The following KCTD19 variants were observed in gnomAD, a reference collection of about 807,000 sequenced individuals.
KCTD19 encodes BTB/POZ domain-containing protein KCTD19.
KCTD19 carries 67 observed loss-of-function variants against 103.5 expected under a neutral mutation model. The observed-to-expected ratio is 0.65, with a 90% confidence interval of 0.53 to 0.79. The LOEUF is 0.79. Among genes scored for constraint, KCTD19 ranks in the 30% least tolerant of loss-of-function variants. The pLI is 0.00. For missense variants in KCTD19, 980 were observed against 1,136.1 expected, an observed-to-expected ratio of 0.86 and a Z score of 1.98; for synonymous variants, 439 against 452.2, an observed-to-expected ratio of 0.97 and a Z score of 0.37.
At position 67,293,497 on chromosome 16, in the gene KCTD19, C is replaced by A. The variant is rs1486205396; in HGVS notation, c.2218+47G>T. 1 of 1,577,958 alleles carries A rather than the reference C, an allele frequency of 6.3e-7. No homozygotes were observed. The highest frequency in any genetic ancestry group is 1.8e-5 in the Admixed American group (1 of 56,448). On this transcript the variant is annotated intron_variant, in intron 12 of 15. Coordinates refer to ENST00000304372, the MANE Select transcript of KCTD19 (RefSeq NM_001100915.3). The surrounding 1 kb of genome is among the most constrained non-coding windows in gnomAD (Gnocchi z 4.0). ...CTGCCATCTTGGCCAAAGAGTTTGC[C>A]TTCTCTGTTGTGAATAAGACTTAGA...
At chr16:67,316,510 G>T (rs2037014849) in intron 2 of KCTD19, among the ~76,000 whole-genome samples, 1 of 152,122 alleles carries the variant, frequency 6.6e-6, no homozygotes, top group African/African-American at 2.4e-5. Context: ...ACAATGATAT[G>T]CTGGGGAAAA....
chr16:67,313,172 C>T (rs967653610), intron 2 of KCTD19, among the ~76,000 whole-genome samples: 4 of 149,312 alleles, frequency 2.7e-5, no homozygotes, highest in Admixed American at 6.7e-5. Context: ...TGCAGTGGTG[C>T]GATCTCAGCT....
intron 12 of KCTD19, among the ~76,000 whole-genome samples, chr16:67,292,557 C>T (rs2036712125): frequency 6.6e-6 from 1 of 152,182 alleles, no homozygotes; most frequent in Non-Finnish European, 1.5e-5. Flanking sequence ...TCATCCCAAC[C>T]TTGACAGACC....
At position 67,293,485 on chromosome 16, in the gene KCTD19, CA is replaced by C. The variant is rs777607123; in HGVS notation, c.2218+58del. On this transcript the variant is annotated intron_variant, in intron 12 of 15. Transcript: ENST00000304372. This position sits in a 1 kb window ranked among gnomAD's most constrained non-coding sequence, Gnocchi z 4.0. Reference sequence around the variant, plus strand: ...CACTAACTTGCTCTGCCATCTTGGCCAAAGAGTTTGCCTTCTCTGTTGTGAA... The same window carrying C: ...CACTAACTTGCTCTGCCATCTTGGCCAAGAGTTTGCCTTCTCTGTTGTGAA... 1.1e-5 allele frequency: 17 copies of C among 1,563,358 alleles called. No individual in the cohort carries two copies. Among genetic ancestry groups the C allele is most frequent in the Non-Finnish European group, 1.5e-5 (17 of 1,151,524 alleles).
chr16:67,306,446 A>G (rs1434348415), intron 2 of KCTD19, among the ~76,000 whole-genome samples: 3 of 152,094 alleles, frequency 2.0e-5, no homozygotes, highest in Non-Finnish European at 2.9e-5. Context: ...TTGGATTTCT[A>G]GTAGAGATGG....
In KCTD19 at chr16:67,289,646, T is replaced by G. The variant is rs1418411058; in HGVS notation, c.2704A>C (p.Met902Leu). ...LPFARKYGRCMDLLIQRGLSR... is the reference protein window; with the variant it reads ...LPFARKYGRCLDLLIQRGLSR... ...AGGCCCCTCTGGATGAGCAGGTCCA[T>G]GCATCGGCCATATTTCCTGGCGAAG... Residue 902 changes from methionine to leucine, a missense_variant, in exon 16 of 16, where the codon ATG becomes CTG. Coordinates refer to ENST00000304372, the MANE Select transcript of KCTD19 (RefSeq NM_001100915.3). The G allele has an allele frequency of 1.2e-6, 2 of 1,614,022 alleles. No homozygotes were observed. The highest frequency in any genetic ancestry group is 1.7e-6 in the Non-Finnish European group (2 of 1,180,016).
At chr16:67,324,491 T>G (rs1436572971) in intron 1 of KCTD19, among the ~76,000 whole-genome samples, 1 of 152,194 alleles carries the variant, frequency 6.6e-6, no homozygotes, top group Admixed American at 6.5e-5. Context: ...TAGATGGACA[T>G]GTGATAAAAC....
At chr16:67,318,355 A>C (rs1439812199) in intron 2 of KCTD19, among the ~76,000 whole-genome samples, 1 of 152,080 alleles carries the variant, frequency 6.6e-6, no homozygotes, top group Admixed American at 6.6e-5. Flanking sequence ...TGAGCTCAGG[A>C]GTTCAAGACT....
intron 7 of KCTD19, among the ~76,000 whole-genome samples, chr16:67,297,287 C>G (rs1029398061): frequency 2.6e-5 from 4 of 152,186 alleles, no homozygotes; most frequent in African/African-American, 9.7e-5. Flanking sequence ...GACTGGGTAA[C>G]AGCCCTGTCT....
chr16:67,319,662 TTATAAG>T (rs2037050630), intron 2 of KCTD19, among the ~76,000 whole-genome samples: 1 of 151,186 alleles, frequency 6.6e-6, no homozygotes, highest in Non-Finnish European at 1.5e-5. Flanking sequence ...CTTTAATGGT[TTATAAG>T]TAAAGGTATT....
intron 2 of KCTD19, among the ~76,000 whole-genome samples, chr16:67,313,392 G>A (rs2036969277): frequency 6.6e-6 from 1 of 152,088 alleles, no homozygotes. Flanking sequence ...TTACAGGCGT[G>A]AGCCACCACG....
At chr16:67,296,776 A>G (rs77171848) in intron 7 of KCTD19, among the ~76,000 whole-genome samples, 2 of 152,286 alleles carry the variant, frequency 1.3e-5, no homozygotes, top group East Asian at 3.9e-4. Flanking sequence ...GACTATATGT[A>G]GGCCTTGTTC....
At chr16:67,319,598 G>T (rs948682987) in intron 2 of KCTD19, among the ~76,000 whole-genome samples, 11 of 151,968 alleles carry the variant, frequency 7.2e-5, no homozygotes, top group African/African-American at 2.7e-4. Flanking sequence ...CCACAAAAAT[G>T]ATTTCTGTGG....
rs374684640 is a variant in KCTD19 at position 67,293,454 on chromosome 16, C to T, written c.2218+90G>A. ...TGGTGAGCGGGGGGGTCTAGTCCTC[C>T]TTTGTCACTAACTTGCTCTGCCATC... On this transcript the variant is annotated intron_variant, in intron 12 of 15. Coordinates refer to ENST00000304372, the MANE Select transcript of KCTD19 (RefSeq NM_001100915.3). This position sits in a 1 kb window ranked among gnomAD's most constrained non-coding sequence, Gnocchi z 4.0. The T allele has an allele frequency of 2.7e-6, 4 of 1,454,662 alleles. No homozygotes were observed. The highest frequency in any genetic ancestry group is 2.8e-5 in the African/African-American group (2 of 70,998). 90.1% of individuals were successfully genotyped at this position (1,454,662 alleles called of 1,614,324 possible).
At position 67,320,408 on chromosome 16, in the gene KCTD19, CT is replaced by C. The variant is rs1202617346; in HGVS notation, c.300+180del. ...GGTAATTTCAGTGTATTGTTTATTACTTTTTTTTCCTTTTTACTCACCCCTA... is the reference window on the plus strand; with the variant it reads ...GGTAATTTCAGTGTATTGTTTATTACTTTTTTTCCTTTTTACTCACCCCTA... On this transcript the variant is annotated intron_variant, in intron 2 of 15. Coordinates refer to ENST00000304372, the MANE Select transcript of KCTD19 (RefSeq NM_001100915.3). The surrounding 1 kb of genome is among the most constrained non-coding windows in gnomAD (Gnocchi z 4.0). 6.6e-6 allele frequency among the ~76,000 whole-genome samples: 1 copy of C among 151,932 alleles called. No individual in the cohort carries two copies. The highest frequency in any genetic ancestry group is 1.5e-5 in the Non-Finnish European group (1 of 67,958).
intron 14 of KCTD19, 88 bp downstream of exon 14, chr16:67,291,221 C>G: frequency 6.7e-7 from 1 of 1,495,260 alleles, no homozygotes; most frequent in South Asian, 1.3e-5. Flanking sequence ...TGGCTTACTT[C>G]CTCTTGCCTT....
Position 67,293,478 on chromosome 16 carries a change from T to C in KCTD19, c.2218+66A>G. ...CCTTTGTCACTAACTTGCTCTGCCATCTTGGCCAAAGAGTTTGCCTTCTCT... is the reference window on the plus strand; with the variant it reads ...CCTTTGTCACTAACTTGCTCTGCCACCTTGGCCAAAGAGTTTGCCTTCTCT... On this transcript the variant is annotated intron_variant, in intron 12 of 15. Transcript: ENST00000304372. The surrounding 1 kb of genome is among the most constrained non-coding windows in gnomAD (Gnocchi z 4.0). The C allele has an allele frequency of 1.9e-6, 3 of 1,549,914 alleles. No homozygotes were observed. The highest frequency in any genetic ancestry group is 1.8e-6 in the Non-Finnish European group (2 of 1,142,230).
At position 67,294,177 on chromosome 16, in the gene KCTD19, G is replaced by T. The variant is rs1469842730; in HGVS notation, c.1591-6C>A. 1 of 1,595,846 alleles carries T rather than the reference G, an allele frequency of 6.3e-7. No homozygotes were observed. Among genetic ancestry groups the T allele is most frequent in the Non-Finnish European group, 8.6e-7 (1 of 1,165,638 alleles). ...ACAGGCATGTAGGCTGTGGTCTGGG[G>T]AGGGAAGGGCACAGTAACTCTGGAT... On this transcript the variant is annotated splice_region_variant and splice_polypyrimidine_tract_variant and intron_variant, in intron 11 of 15. Coordinates refer to ENST00000304372, the MANE Select transcript of KCTD19 (RefSeq NM_001100915.3).
intron 2 of KCTD19, among the ~76,000 whole-genome samples, chr16:67,313,716 G>A (rs1198274463): frequency 6.6e-6 from 1 of 152,046 alleles, no homozygotes; most frequent in African/African-American, 2.4e-5. Flanking sequence ...AGCCTCCTGA[G>A]TAGCTGGGAT....
Sources: allele counts gnomAD v4.1 joint callset (sites outside exome capture counted in the v4.1 genomes callset), GRCh38; gene constraint gnomAD v4.1.1; non-coding constraint Gnocchi (gnomAD v3.1); transcripts MANE v1.5; gene names NCBI Gene and HGNC (gene_info 2026-07-23, HGNC 2026-07-21).